SAMD4B: variants seen among roughly 807,000 people sequenced by gnomAD.
The protein encoded by SAMD4B is protein Smaug homolog 2.
Under a neutral mutation model 74.5 loss-of-function variants are expected in SAMD4B, and 5 were observed. That is an observed-to-expected ratio of 0.07 (90% CI 0.04 to 0.14). SAMD4B has a LOEUF of 0.14. SAMD4B is among the 10% of genes least tolerant of loss of function. The probability of loss-of-function intolerance (pLI) is 1.00; values close to 1 mark genes in which losing one functional copy is unlikely to be tolerated. For synonymous variants in SAMD4B, 373 were observed against 374.9 expected, an observed-to-expected ratio of 1.00 and a Z score of 0.06; for missense variants, 608 against 921.8, an observed-to-expected ratio of 0.66 and a Z score of 4.41.
downstream of SAMD4B, chr19:39,387,248 A>C (rs2078272460): frequency 2.5e-6 from 1 of 397,994 alleles, no homozygotes. Context: ...TTGTAATACA[A>C]TAGTAAGTAT....
intron 4 of SAMD4B, among the ~76,000 whole-genome samples, chr19:39,374,474 C>G (rs544903146): frequency 6.6e-6 from 1 of 152,328 alleles, no homozygotes; most frequent in Non-Finnish European, 1.5e-5. Flanking sequence ...TCATTCATTA[C>G]AAGATATAAT....
At chr19:39,382,735 C>G (rs925944784) in intron 12 of SAMD4B, among the ~76,000 whole-genome samples, 3 of 152,170 alleles carry the variant, frequency 2.0e-5, no homozygotes, top group African/African-American at 7.2e-5. Context: ...ACTTTGCCCC[C>G]ACCTGCCTGG....
intron 2 of SAMD4B, among the ~76,000 whole-genome samples, chr19:39,356,222 A>C (rs2076334580): frequency 6.6e-6 from 1 of 152,176 alleles, no homozygotes; most frequent in Non-Finnish European, 1.5e-5. Flanking sequence ...GAGTCCTATC[A>C]GTAGGTTAGG....
Position 39,370,107 on chromosome 19 carries a change from G to C in SAMD4B, c.649G>C (p.Gly217Arg), listed in dbSNP as rs1415082617. 2.5e-6 allele frequency: 4 copies of C among 1,595,550 alleles called. No individual in the cohort carries two copies. The highest frequency in any genetic ancestry group is 3.4e-6 in the Non-Finnish European group (4 of 1,171,180). ...AGTGCCGCCAGCCATCAACAGTATTGGGAGCAATGCAAACACAGGTAAGTG... is the reference window on the plus strand; with the variant it reads ...AGTGCCGCCAGCCATCAACAGTATTCGGAGCAATGCAAACACAGGTAAGTG... The part of the protein sequence containing the change: ...SSVPPAINSI[G>R]SNANTGLPCQ... The change falls in exon 4 of 14, where the codon GGG becomes CGG. Residue 217 changes from glycine to arginine, a missense_variant. By Grantham distance (125) the Gly-to-Arg change is moderately radical. Transcript: ENST00000610417.
intron 1 of SAMD4B, chr19:39,348,191 T>C (rs2075813109): frequency 1.3e-5 from 2 of 152,320 alleles, no homozygotes; most frequent in Non-Finnish European, 2.9e-5. Context: ...CAGATATTTA[T>C]TGAGGGCCTG....
At chr19:39,368,484 T>C (rs941154178) in intron 3 of SAMD4B, among the ~76,000 whole-genome samples, 7 of 152,054 alleles carry the variant, frequency 4.6e-5, no homozygotes, top group Admixed American at 3.3e-4. Context: ...TGGGGAGATA[T>C]CCTGAGCTGA....
downstream of SAMD4B, chr19:39,389,416 A>T (rs1445260713): frequency 3.0e-5 from 49 of 1,611,640 alleles, no homozygotes; most frequent in Non-Finnish European, 4.2e-5. This position sits in a 1 kb window ranked among gnomAD's most constrained non-coding sequence, Gnocchi z 5.3. Context: ...TCAGGACCCC[A>T]CTGCCCTCCT....
At chr19:39,351,725 CT>C (rs969599283) in intron 1 of SAMD4B, 22 of 152,122 alleles carry the variant, frequency 1.4e-4, no homozygotes, top group African/African-American at 5.1e-4. Flanking sequence ...CTGAAGCAGG[CT>C]TCCACCGTGA....
intron 8 of SAMD4B, 47 bp downstream of exon 8, chr19:39,377,871 A>G: frequency 6.6e-7 from 1 of 1,517,604 alleles, no homozygotes; most frequent in Non-Finnish European, 8.9e-7. Flanking sequence ...CAGAAAGCCA[A>G]GTGAACCCAA....
chr19:39,381,066 C>T lies in SAMD4B; in HGVS notation c.1925C>T (p.Ser642Leu), dbSNP rs2077951722. ...CGCAGCTCTGTGCAGCGCACCCACT[C>T]GCTCCCGGTCCACTCGTCACCCCAG... The part of the protein sequence containing the change: ...QSRSSVQRTH[S>L]LPVHSSPQAI... Residue 642 changes from serine to leucine, a missense_variant, in exon 12 of 14, where the codon TCG becomes TTG. Ser to Leu is a moderately radical substitution (Grantham distance 145). This residue lies in a region of SAMD4B where 167 missense variants were observed against 193.0 expected (regional missense o/e 0.87). Transcript: ENST00000610417. 2.5e-6 allele frequency: 4 copies of T among 1,612,922 alleles called. No individual in the cohort carries two copies. The highest frequency in any genetic ancestry group is 1.1e-5 in the South Asian group (1 of 91,002).
chr19:39,352,779 G>T (rs1568345360), intron 1 of SAMD4B, among the ~76,000 whole-genome samples: 1 of 152,172 alleles, frequency 6.6e-6, no homozygotes, highest in Non-Finnish European at 1.5e-5. Flanking sequence ...GAACAGTGCT[G>T]TTGCTTAGGA....
At chr19:39,356,032 C>T (rs992004884) in intron 2 of SAMD4B, among the ~76,000 whole-genome samples, 2 of 152,278 alleles carry the variant, frequency 1.3e-5, no homozygotes, top group African/African-American at 4.8e-5. Flanking sequence ...GTGAGATTCC[C>T]TCAGCCTGTT....
chr19:39,363,315 C>T (rs1384059180), intron 3 of SAMD4B, among the ~76,000 whole-genome samples: 1 of 152,150 alleles, frequency 6.6e-6, no homozygotes, highest in Non-Finnish European at 1.5e-5. Flanking sequence ...TCTTGGCATT[C>T]CCCAGCCCCT....
intron 12 of SAMD4B, 117 bp downstream of exon 12, chr19:39,381,230 C>A (rs2077964771): frequency 2.5e-6 from 3 of 1,221,816 alleles, no homozygotes; most frequent in Non-Finnish European, 3.4e-6. Context: ...TCTCCCCATA[C>A]CTCACACCAC....
At chr19:39,351,769 G>A (rs1443150501) in intron 1 of SAMD4B, 1 of 151,982 alleles carries the variant, frequency 6.6e-6, no homozygotes, top group African/African-American at 2.4e-5. Flanking sequence ...GACATCATGA[G>A]ACGATGTGTA....
chr19:39,354,451 CT>C (rs1238923246), intron 2 of SAMD4B, among the ~76,000 whole-genome samples: 1 of 152,126 alleles, frequency 6.6e-6, no homozygotes, highest in Non-Finnish European at 1.5e-5. Context: ...TTCTTCCCCC[CT>C]AGGGCTATAG....
chr19:39,345,903 T>C lies in SAMD4B; in HGVS notation c.-267+3327T>C, dbSNP rs1600508402. On this transcript the variant is annotated intron_variant, in intron 1 of 13. Transcript: ENST00000610417. ...TTCTCCACACAGCACCCTTTGCCTT[T>C]ACTCCTGCCCTACTTGCTCCTGTCT... Among the ~76,000 whole-genome samples the C allele has an allele frequency of 2.0e-5, 3 of 152,156 alleles. 1 individual carries two copies. Among genetic ancestry groups the C allele is most frequent in the Admixed American group, 2.0e-4 (3 of 15,272 alleles).
intron 10 of SAMD4B, 102 bp from the exon 11 acceptor site, chr19:39,380,485 T>C (rs545508124): frequency 8.2e-7 from 1 of 1,221,252 alleles, no homozygotes; most frequent in Non-Finnish European, 1.2e-6. Context: ...TGGAGGTTTA[T>C]GTTCTCTCCT....
chr19:39,361,739 C>G (rs1350313685), intron 3 of SAMD4B, among the ~76,000 whole-genome samples: 2 of 150,834 alleles, frequency 1.3e-5, no homozygotes, highest in Admixed American at 1.3e-4. Flanking sequence ...CTGGCTAACA[C>G]GGTGAAACCC....
Sources: allele counts gnomAD v4.1 joint callset (sites outside exome capture counted in the v4.1 genomes callset), GRCh38; gene constraint gnomAD v4.1.1; regional missense constraint gnomAD v4.1.1; non-coding constraint Gnocchi (gnomAD v3.1); transcripts MANE v1.5; gene names NCBI Gene and HGNC (gene_info 2026-07-23, HGNC 2026-07-21).